Variants in MAML2 observed in about 807,000 individuals in gnomAD.
The protein encoded by MAML2 is mastermind-like protein 2.
In MAML2, 22 loss-of-function variants were observed where a neutral mutation model predicts 96.1. The ratio of observed to expected loss-of-function variants is 0.23; its 90% CI spans 0.16 to 0.33. The LOEUF (loss-of-function observed/expected upper bound fraction) is 0.33, where lower values mean the gene tolerates loss of function less well. Among genes scored for constraint, MAML2 ranks in the 10% least tolerant of loss-of-function variants. The probability of loss-of-function intolerance (pLI) is 1.00; values close to 1 mark genes in which losing one functional copy is unlikely to be tolerated. For missense variants in MAML2, 1,367 were observed against 1,392.4 expected (o/e 0.98, Z 0.29); for synonymous variants, 561 against 521.3 (o/e 1.08, Z -1.04).
At chr11:96,224,268 G>A (rs1473498475) in intron 1 of MAML2, among the ~76,000 whole-genome samples, 6 of 152,170 alleles carry the variant, frequency 3.9e-5, no homozygotes, top group Admixed American at 2.0e-4. Context: ...TAAAGTACCA[G>A]TCTATTTATT....
chr11:96,091,915 G>T lies in MAML2; in HGVS notation c.2116C>A (p.Gln706Lys). The T allele has an allele frequency of 6.2e-7, 1 of 1,613,410 alleles. No homozygotes were observed. The highest frequency in any genetic ancestry group is 8.5e-7 in the Non-Finnish European group (1 of 1,179,656). Residue 706 changes from glutamine (Q) to lysine (K), a missense_variant, in exon 2 of 5, where the codon CAA becomes AAA. Coordinates refer to ENST00000524717, the MANE Select transcript of MAML2 (RefSeq NM_032427.4). The part of the protein sequence containing the change: ...QNQPIAGMGY[Q>K]VSQQQRQDQH... Reference sequence around the variant, plus strand: ...ACCTGTCTCTGTTGTTGGGAGACTTGGTATCCCATTCCTGCAATGGGCTGA... The same window carrying T: ...ACCTGTCTCTGTTGTTGGGAGACTTTGTATCCCATTCCTGCAATGGGCTGA...
chr11:96,219,856 C>T (rs543368704), intron 1 of MAML2, among the ~76,000 whole-genome samples: 2 of 152,248 alleles, frequency 1.3e-5, no homozygotes, highest in Admixed American at 6.5e-5. Flanking sequence ...GAACTCCTGA[C>T]CTTGTGATCT....
chr11:96,071,449 G>A (rs1327645835), intron 2 of MAML2, among the ~76,000 whole-genome samples: 1 of 152,224 alleles, frequency 6.6e-6, no homozygotes, highest in African/African-American at 2.4e-5. Context: ...AGGCAGTATT[G>A]GCCAGTCGGC....
In MAML2 at chr11:96,092,808, G is replaced by C. The variant is rs760785751; in HGVS notation, c.1223C>G (p.Pro408Arg). 1 of 1,610,660 alleles carries C rather than the reference G, an allele frequency of 6.2e-7. No individual in the cohort carries two copies. The highest frequency in any genetic ancestry group is 8.5e-7 in the Non-Finnish European group (1 of 1,177,618). ...TGTCTGAGGCTGAGCCTGGCTCTGA[G>C]GGACTGAAGGGATTGGAGACGAAGT... ...LSTSSPIPSV[P>R]QSQAQPQTGS... Residue 408 changes from proline (P) to arginine (R), a missense_variant, in exon 2 of 5, where the codon CCT (proline) becomes CGT (arginine). Transcript: ENST00000524717. This position sits in a 1 kb window ranked among gnomAD's most constrained non-coding sequence, Gnocchi z 4.1.
At chr11:96,047,926 A>AT (rs1858930515) in intron 2 of MAML2, among the ~76,000 whole-genome samples, 2 of 141,434 alleles carry the variant, frequency 1.4e-5, no homozygotes, top group Non-Finnish European at 3.1e-5. Flanking sequence ...AAAAAAAAAA[A>AT]AAAAAAAAGA....
At chr11:96,112,338 G>A (rs1324140939) in intron 1 of MAML2, among the ~76,000 whole-genome samples, 1 of 152,234 alleles carries the variant, frequency 6.6e-6, no homozygotes, top group Non-Finnish European at 1.5e-5. Flanking sequence ...CAGCCATGTT[G>A]TGTGGCATGA....
chr11:96,096,107 A>G (rs1409544771), intron 1 of MAML2, among the ~76,000 whole-genome samples: 4 of 152,256 alleles, frequency 2.6e-5, no homozygotes, highest in African/African-American at 9.6e-5. Flanking sequence ...TTTCACAACT[A>G]GGAAAGAACA....
intron 1 of MAML2, among the ~76,000 whole-genome samples, chr11:96,232,904 A>T (rs983502200): frequency 6.6e-6 from 1 of 152,222 alleles, no homozygotes; most frequent in African/African-American, 2.4e-5. Context: ...TGAAACCTGA[A>T]AATTGATGAG....
chr11:96,326,357 G>A (rs1201513081), intron 1 of MAML2, among the ~76,000 whole-genome samples: 1 of 91,720 alleles, frequency 1.1e-5, no homozygotes, highest in African/African-American at 7.1e-5. Flanking sequence ...TCACACTAAA[G>A]CGTGTGTGTG....
rs960353661 is a variant in MAML2, at chr11:96,304,104, C to T, written c.513+37279G>A. On this transcript the variant is annotated intron_variant, in intron 1 of 4. Transcript: ENST00000524717. ...ACAGAATCTGCTCATTCCAGTCTCC[C>T]GTTAAATCTGTGAAAGCTGCTTCAG... Among the ~76,000 whole-genome samples, 3 of 152,212 alleles carry T rather than the reference C, an allele frequency of 2.0e-5. No homozygotes were observed. In the South Asian group the frequency reaches 6.2e-4, roughly 32 times the overall value.
At chr11:96,166,631 G>T (rs910295705) in intron 1 of MAML2, among the ~76,000 whole-genome samples, 2 of 152,186 alleles carry the variant, frequency 1.3e-5, no homozygotes, top group African/African-American at 4.8e-5. Flanking sequence ...TCTGAGGTTC[G>T]CTGGCATTCA....
chr11:96,322,909 G>C (rs371740062), intron 1 of MAML2, among the ~76,000 whole-genome samples: 1 of 152,220 alleles, frequency 6.6e-6, no homozygotes, highest in Non-Finnish European at 1.5e-5. Flanking sequence ...AGTATTAGTG[G>C]AGTCTTCCCA....
intron 2 of MAML2, among the ~76,000 whole-genome samples, chr11:95,999,914 C>T (rs72969706): frequency 6.6e-6 from 1 of 152,116 alleles, no homozygotes; most frequent in African/African-American, 2.4e-5. Context: ...CTCTTTTTGT[C>T]TTTCTTTCCC....
intron 1 of MAML2, among the ~76,000 whole-genome samples, chr11:96,234,999 C>G (rs1862347874): frequency 6.6e-6 from 1 of 152,148 alleles, no homozygotes; most frequent in Non-Finnish European, 1.5e-5. Flanking sequence ...TGAAAAATGA[C>G]TCTTCAATAC....
chr11:96,326,553 T>G (rs1446590230), intron 1 of MAML2, among the ~76,000 whole-genome samples: 1 of 151,944 alleles, frequency 6.6e-6, no homozygotes, highest in African/African-American at 2.4e-5. Flanking sequence ...TCCCAGCACT[T>G]TGGGGGGCCG....
intron 1 of MAML2, among the ~76,000 whole-genome samples, chr11:96,337,231 ACTC>A (rs781202182): frequency 5.3e-5 from 8 of 152,036 alleles, no homozygotes; most frequent in Non-Finnish European, 1.0e-4. Flanking sequence ...TAATATAAAC[ACTC>A]CTATCACTGT....
At position 96,332,142 on chromosome 11, in the gene MAML2, T is replaced by C. The variant is rs554025098; in HGVS notation, c.513+9241A>G. On this transcript the variant is annotated intron_variant, in intron 1 of 4. Transcript: ENST00000524717. ...TGTTTTCATTTATTATATGCTAAAG[T>C]AGCATGGGTCCTCCAGCATTGTACC... 1.1e-4 allele frequency among the ~76,000 whole-genome samples: 16 copies of C among 152,314 alleles called. No individual in the cohort carries two copies. In the South Asian group the frequency reaches 2.3e-3, roughly 22 times the overall value.
intron 4 of MAML2, among the ~76,000 whole-genome samples, chr11:95,984,521 C>T (rs1857795434): frequency 6.6e-6 from 1 of 152,158 alleles, no homozygotes; most frequent in Non-Finnish European, 1.5e-5. Flanking sequence ...CTTTTGGGCT[C>T]AAGCAATCCT....
intron 1 of MAML2, among the ~76,000 whole-genome samples, chr11:96,240,784 T>C (rs1862427953): frequency 6.6e-6 from 1 of 152,032 alleles, no homozygotes; most frequent in Non-Finnish European, 1.5e-5. Context: ...ACTATTACAG[T>C]ATATAAAAAT....
Sources: allele counts gnomAD v4.1 joint callset (sites outside exome capture counted in the v4.1 genomes callset), GRCh38; gene constraint gnomAD v4.1.1; non-coding constraint Gnocchi (gnomAD v3.1); transcripts MANE v1.5; gene names NCBI Gene and HGNC (gene_info 2026-07-23, HGNC 2026-07-21).